Variants in ARHGEF18 observed in about 807,000 individuals in gnomAD.
The protein encoded by ARHGEF18 is rho guanine nucleotide exchange factor 18.
ARHGEF18 carries 93 observed loss-of-function variants against 155.7 expected under a neutral mutation model. The ratio of observed to expected loss-of-function variants is 0.60; its 90% CI spans 0.50 to 0.71. ARHGEF18 has a LOEUF of 0.71. Among genes scored for constraint, ARHGEF18 ranks in the 30% least tolerant of loss-of-function variants. The pLI is 0.00. For missense variants in ARHGEF18, 1,593 were observed against 1,816.1 expected, an observed-to-expected ratio of 0.88 and a Z score of 2.23; for synonymous variants, 742 against 753.1, an observed-to-expected ratio of 0.99 and a Z score of 0.24.
intron 7 of ARHGEF18, among the ~76,000 whole-genome samples, chr19:7,380,711 T>C (rs1303545516): frequency 6.6e-6 from 1 of 152,070 alleles, no homozygotes; most frequent in Non-Finnish European, 1.5e-5. Flanking sequence ...AACATCTTCC[T>C]GCTACACTGA....
At position 7,362,143 on chromosome 19, in the gene ARHGEF18, GAGAAGGAGAAGGAGGAGAAGAAGGAGA is replaced by G. The variant is rs1969632179; in HGVS notation, c.-110-626_-110-600del. ...GGAGAAGGAGAAGGAGAAGGAGAAG[GAGAAGGAGAAGGAGGAGAAGAAGGAGA>G]AGAAGGAGAAGAAGGAGAAGAAGGA... On this transcript the variant is annotated intron_variant, in intron 1 of 28. Transcript: ENST00000668164. Among the ~76,000 whole-genome samples the G allele has an allele frequency of 1.7e-4, 5 of 29,370 alleles. 2 individuals are homozygous for G. The highest frequency in any genetic ancestry group is 1.7e-3 in the African/African-American group (5 of 2,948). 19.3% of individuals were successfully genotyped at this position (29,370 alleles called of 152,430 possible). A position where few individuals can be genotyped will look rare whatever the true frequency, so the allele number is the denominator to read the frequency against.
At position 7,387,714 on chromosome 19, in the gene ARHGEF18, C is replaced by T. The variant is rs1051024915; in HGVS notation, c.967+4511C>T. On this transcript the variant is annotated intron_variant, in intron 10 of 28. Transcript: ENST00000668164. ...AGACAGAATCTCGCTCTGTCGCCCA[C>T]GCCAGAGTGCAGTGGCGTGATGTCG... Among the ~76,000 whole-genome samples the T allele has an allele frequency of 2.0e-5, 3 of 152,046 alleles. No homozygotes were observed. In the East Asian group the frequency reaches 5.8e-4, roughly 29 times the overall value.
At chr19:7,434,024 AAAAAAAAAAAAAAG>A (rs1368280405) in intron 10 of ARHGEF18, among the ~76,000 whole-genome samples, 7 of 106,026 alleles carry the variant, frequency 6.6e-5, no homozygotes, top group African/African-American at 2.7e-4. Context: ...TCTCATTAAA[AAAAAAAAAAAAAAG>A]AAAAAAAAAG....
At chr19:7,386,318 T>A (rs114256921) in intron 10 of ARHGEF18, among the ~76,000 whole-genome samples, 1,721 of 150,694 alleles carry the variant, frequency 0.011, 36 homozygotes, top group African/African-American at 0.039. Context: ...ACCTCAGCAC[T>A]ACTGACATTT....
intron 19 of ARHGEF18, 137 bp from the exon 20 acceptor site, chr19:7,459,766 C>T: frequency 3.0e-6 from 2 of 675,670 alleles, no homozygotes; most frequent in Non-Finnish European, 5.0e-6. Flanking sequence ...CCCTCCTCGT[C>T]CTCCTGCACC....
At chr19:7,356,640 C>T (rs1254272419) in intron 1 of ARHGEF18, among the ~76,000 whole-genome samples, 1 of 152,128 alleles carries the variant, frequency 6.6e-6, no homozygotes, top group East Asian at 1.9e-4. Context: ...TGTCCTGGTA[C>T]GTAGGGCATG....
intron 1 of ARHGEF18, among the ~76,000 whole-genome samples, chr19:7,359,584 G>T: frequency 6.6e-6 from 1 of 152,044 alleles, no homozygotes; most frequent in East Asian, 1.9e-4. Flanking sequence ...TATGACACCA[G>T]GATAAAGGCT....
chr19:7,473,808 CAAAAAAAAAA>C (rs35797777), downstream of ARHGEF18, among the ~76,000 whole-genome samples: 12 of 79,634 alleles, frequency 1.5e-4, no homozygotes, highest in African/African-American at 2.1e-4. Flanking sequence ...GACTCCGTCT[CAAAAAAAAAA>C]AAAAAAAAAA....
In ARHGEF18 at chr19:7,467,580, G is replaced by A. The variant is rs1976730373; in HGVS notation, c.3376G>A (p.Ala1126Thr). The A allele has an allele frequency of 6.7e-7, 1 of 1,501,932 alleles. No individual in the cohort carries two copies. 93.0% of individuals were successfully genotyped at this position (1,501,932 alleles called of 1,614,324 possible). A position where few individuals can be genotyped will look rare whatever the true frequency, so the allele number is the denominator to read the frequency against. ...GCACGACCTGGAGCGGCTGCGCGAG[G>A]CCCAGCGTGCCGTGGAGCGCGAGCG... Reference protein sequence around the residue: ...YQHDLERLREAQRAVERERER... With the variant: ...YQHDLERLRETQRAVERERER... Residue 1126 changes from alanine (A) to threonine (T), a missense_variant, in exon 26 of 29, where the codon GCC (alanine) becomes ACC (threonine). Ala to Thr is a moderately conservative substitution (Grantham distance 58). Transcript: ENST00000668164.
intron 10 of ARHGEF18, among the ~76,000 whole-genome samples, chr19:7,387,193 C>T (rs556595281): frequency 3.9e-5 from 6 of 152,220 alleles, no homozygotes; most frequent in African/African-American, 1.4e-4. Flanking sequence ...CACTCTGTTG[C>T]CCAGGCTGGA....
chr19:7,436,918 T>G (rs965518825), intron 10 of ARHGEF18, among the ~76,000 whole-genome samples: 1 of 152,192 alleles, frequency 6.6e-6, no homozygotes, highest in Admixed American at 6.6e-5. Flanking sequence ...TCATGTGTTA[T>G]GACGTCAGAA....
At chr19:7,418,643 C>T (rs893122231) in intron 10 of ARHGEF18, among the ~76,000 whole-genome samples, 3 of 151,870 alleles carry the variant, frequency 2.0e-5, no homozygotes, top group African/African-American at 2.4e-5. Flanking sequence ...GAAATGGAGG[C>T]AGGGTGCAGT....
At chr19:7,378,563 GC>G in intron 6 of ARHGEF18, 112 bp downstream of exon 6, 1 of 822,744 alleles carries the variant, frequency 1.2e-6, no homozygotes, top group Non-Finnish European at 1.6e-6. Context: ...AGTGACCAGG[GC>G]CAGACACCAT....
At chr19:7,392,327 G>A (rs1386974056) in intron 10 of ARHGEF18, among the ~76,000 whole-genome samples, 5 of 151,336 alleles carry the variant, frequency 3.3e-5, no homozygotes, top group Non-Finnish European at 5.9e-5. Flanking sequence ...CTTCCTAGTT[G>A]TCTCTGAGAA....
chr19:7,378,384 C>A lies in ARHGEF18; in HGVS notation c.542-10C>A. 8.1e-7 allele frequency: 1 copy of A among 1,234,334 alleles called. No homozygotes were observed. The highest frequency in any genetic ancestry group is 1.0e-6 in the Non-Finnish European group (1 of 988,222). The allele number at this position is 1,234,334 out of a possible 1,614,324, so 76.5% of individuals were successfully genotyped here. The stretch of plus-strand genomic sequence containing the variant: ...CAACTGTGCTTCCTGGGATGGGGGG[C>A]TTCTTCCAGGCCTGGAACCTCCAGT... On this transcript the variant is annotated splice_polypyrimidine_tract_variant and intron_variant, in intron 5 of 28. Transcript: ENST00000668164.
At chr19:7,351,449 A>G (rs143949065) in intron 1 of ARHGEF18, among the ~76,000 whole-genome samples, 143,452 of 151,822 alleles carry the variant, frequency 0.94, 67,821 homozygotes, top group Middle Eastern at 0.99. Context: ...TCAGCCTCCC[A>G]AGTAGCTGGG....
chr19:7,421,282 T>C (rs77180548), intron 10 of ARHGEF18, among the ~76,000 whole-genome samples: 2,670 of 152,182 alleles, frequency 0.018, 52 homozygotes, highest in African/African-American at 0.058. Context: ...ACACAGACGT[T>C]TTTCAGTCAA....
Position 7,373,063 on chromosome 19 carries a change from C to T in ARHGEF18, c.267C>T (p.Ser89=). 8.1e-7 allele frequency: 1 copy of T among 1,234,496 alleles called. No individual in the cohort carries two copies. The highest frequency in any genetic ancestry group is 1.0e-6 in the Non-Finnish European group (1 of 988,286). 76.5% of individuals were successfully genotyped at this position (1,234,496 alleles called of 1,614,324 possible). A position where few individuals can be genotyped will look rare whatever the true frequency, so the allele number is the denominator to read the frequency against. ...AAAGGTCGCGGAGCTGCTCAGAGAG[C>T]TGGCGGAGGTCAGTTCCCCACTGCT... ...SWERSRSCSE[S]WRRLSLDASA... Residue 89 remains serine, a synonymous_variant, in exon 3 of 29, where the codon AGC becomes AGT. Coordinates refer to ENST00000668164, the MANE Select transcript of ARHGEF18 (RefSeq NM_001367823.1).
chr19:7,361,372 A>C (rs1969541006), intron 1 of ARHGEF18, among the ~76,000 whole-genome samples: 2 of 152,144 alleles, frequency 1.3e-5, no homozygotes, highest in Non-Finnish European at 2.9e-5. Flanking sequence ...CCGGAGGTGG[A>C]GGTTGCAGTG....
Sources: gnomAD v4.1 joint callset for allele counts (sites outside exome capture counted in the v4.1 genomes callset) on GRCh38, gnomAD v4.1.1 for gene constraint, MANE v1.5 for transcripts, NCBI Gene and HGNC (gene_info 2026-07-23, HGNC 2026-07-21) for gene names.